KLF12: variants seen among roughly 807,000 people sequenced by gnomAD.
KLF12 encodes KLF transcription factor 12, also known as Krueppel-like factor 12.
A neutral mutation model predicts 37.8 loss-of-function variants in KLF12; 9 were observed. That is an observed-to-expected ratio of 0.24 (90% CI 0.14 to 0.42). The LOEUF (loss-of-function observed/expected upper bound fraction) is 0.42, where lower values mean the gene tolerates loss of function less well. Ranked by LOEUF, KLF12 falls within the 10% of genes least tolerant of loss-of-function variation. KLF12 has a pLI of 1.00. For synonymous variants in KLF12, 208 were observed against 202.1 expected, an observed-to-expected ratio of 1.03 and a Z score of -0.25; for missense variants, 411 against 516.0, an observed-to-expected ratio of 0.80 and a Z score of 1.97.
At chr13:73,953,467 C>T (rs934817242) in intron 2 of KLF12, among the ~76,000 whole-genome samples, 10 of 152,028 alleles carry the variant, frequency 6.6e-5, no homozygotes, top group African/African-American at 2.4e-4. Context: ...GAGTACTGTA[C>T]ATTAACATAT....
At chr13:73,888,379 C>G (rs934945693) in intron 3 of KLF12, among the ~76,000 whole-genome samples, 1 of 152,140 alleles carries the variant, frequency 6.6e-6, no homozygotes, top group Non-Finnish European at 1.5e-5. Context: ...ATTTTTATTA[C>G]AATAGTCCAG....
intron 5 of KLF12, among the ~76,000 whole-genome samples, chr13:73,798,988 AT>A (rs965006896): frequency 2.0e-5 from 3 of 152,202 alleles, no homozygotes; most frequent in Non-Finnish European, 4.4e-5. Context: ...ACTATTCACA[AT>A]AGCAAAGACA....
intron 1 of KLF12, among the ~76,000 whole-genome samples, chr13:74,031,514 C>G (rs890313952): frequency 7.9e-5 from 12 of 152,076 alleles, no homozygotes; most frequent in Admixed American, 6.6e-5. Flanking sequence ...AATAACTTAA[C>G]TCTTTGGTAG....
At chr13:74,288,017 A>G in the KLF12 span, among the ~76,000 whole-genome samples, 5 of 151,482 alleles carry the variant, frequency 3.3e-5, no homozygotes, top group African/African-American at 9.7e-5. Flanking sequence ...GAAGCTGCCA[A>G]GGGGTTGCCA....
Position 73,780,324 on chromosome 13 carries a change from T to C in KLF12, c.807-15324A>G, listed in dbSNP as rs140843460. Among the ~76,000 whole-genome samples, 426 of 152,314 alleles carry C rather than the reference T, an allele frequency of 2.8e-3. 5 individuals are homozygous for C. Among genetic ancestry groups the C allele is most frequent in the African/African-American group, 9.8e-3 (409 of 41,566 alleles). On this transcript the variant is annotated intron_variant, in intron 5 of 7. Transcript: ENST00000377669. ...TTCCTTAATGGCGATTTCTGAGATT[T>C]TGGTGCACCTGTCACCTGAGCAGCG...
chr13:73,969,432 C>T (rs1276437224), intron 2 of KLF12, among the ~76,000 whole-genome samples: 1 of 152,208 alleles, frequency 6.6e-6, no homozygotes, highest in African/African-American at 2.4e-5. Context: ...ACAGTGTATA[C>T]CACTGGGATT....
chr13:73,881,676 T>A (rs920577315), intron 3 of KLF12, among the ~76,000 whole-genome samples: 5 of 152,186 alleles, frequency 3.3e-5, no homozygotes, highest in African/African-American at 1.2e-4. Flanking sequence ...TTTTCCTAAA[T>A]AAACTCAGTT....
the KLF12 span, among the ~76,000 whole-genome samples, chr13:74,175,709 C>G: frequency 3.3e-5 from 5 of 152,082 alleles, no homozygotes; most frequent in Non-Finnish European, 7.4e-5. Flanking sequence ...TGAGAGACAC[C>G]AAGACAACTT....
chr13:73,733,119 C>G (rs1594022220), intron 6 of KLF12, among the ~76,000 whole-genome samples: 1 of 152,130 alleles, frequency 6.6e-6, no homozygotes, highest in African/African-American at 2.4e-5. Flanking sequence ...CTCCTTCCCC[C>G]CAGTCTTTTA....
At chr13:73,884,584 G>A (rs774119840) in intron 3 of KLF12, among the ~76,000 whole-genome samples, 3 of 152,208 alleles carry the variant, frequency 2.0e-5, no homozygotes, top group African/African-American at 7.2e-5. Flanking sequence ...TTCAGGGCCT[G>A]TACTTCCCAT....
At chr13:74,295,160 C>T in the KLF12 span, among the ~76,000 whole-genome samples, 1 of 152,192 alleles carries the variant, frequency 6.6e-6, no homozygotes, top group African/African-American at 2.4e-5. Flanking sequence ...AGATGGAGGA[C>T]TGTAGGTAAA....
chr13:73,836,600 T>C (rs76501220), intron 4 of KLF12, among the ~76,000 whole-genome samples: 5,678 of 152,244 alleles, frequency 0.037, 150 homozygotes, highest in African/African-American at 0.07. Flanking sequence ...CTATGTAGAA[T>C]AAGAATTCCC....
chr13:74,219,185 A>C, the KLF12 span, among the ~76,000 whole-genome samples: 1 of 152,092 alleles, frequency 6.6e-6, no homozygotes. Context: ...TGAACTCCCG[A>C]CCTTAAGTGA....
At chr13:74,161,271 A>G in the KLF12 span, among the ~76,000 whole-genome samples, 3 of 152,060 alleles carry the variant, frequency 2.0e-5, no homozygotes, top group Admixed American at 2.0e-4. Flanking sequence ...TCCACCTGGA[A>G]CCCCAGAATG....
chr13:74,069,264 T>C (rs1874088240), intron 1 of KLF12, among the ~76,000 whole-genome samples: 1 of 152,282 alleles, frequency 6.6e-6, no homozygotes, highest in East Asian at 1.9e-4. Context: ...TGACTTTTCC[T>C]ATAGGTGGTT....
intron 1 of KLF12, among the ~76,000 whole-genome samples, chr13:73,995,576 G>A (rs1314843143): frequency 2.6e-5 from 4 of 151,872 alleles, no homozygotes; most frequent in Admixed American, 6.6e-5. Context: ...AAATAAATTC[G>A]GTGGTTCCAT....
intron 1 of KLF12, among the ~76,000 whole-genome samples, chr13:74,035,337 G>A (rs1238059631): frequency 1.3e-5 from 2 of 151,942 alleles, no homozygotes; most frequent in Non-Finnish European, 2.9e-5. Context: ...TTCAATTTCG[G>A]TTGGTGGAAT....
At chr13:74,248,062 A>G in the KLF12 span, among the ~76,000 whole-genome samples, 1 of 152,200 alleles carries the variant, frequency 6.6e-6, no homozygotes, top group African/African-American at 2.4e-5. Flanking sequence ...AAGCTCCTCA[A>G]TCAACCTGCT....
intron 1 of KLF12, among the ~76,000 whole-genome samples, chr13:74,018,592 GA>G (rs1892761994): frequency 6.6e-6 from 1 of 151,946 alleles, no homozygotes; most frequent in South Asian, 2.1e-4. Context: ...TAAACTTGAA[GA>G]ATATATACAT....
Sources: allele counts gnomAD v4.1 joint callset (sites outside exome capture counted in the v4.1 genomes callset), GRCh38; gene constraint gnomAD v4.1.1; transcripts MANE v1.5; gene names NCBI Gene and HGNC (gene_info 2026-07-23, HGNC 2026-07-21).